CNTNAP3B: variants seen among roughly 807,000 people sequenced by gnomAD.
CNTNAP3B encodes the protein contactin associated protein family member 3B.
In CNTNAP3B, 25 loss-of-function variants were observed where a neutral mutation model predicts 108.9. That is an observed-to-expected ratio of 0.23 (90% CI 0.17 to 0.32). The LOEUF (loss-of-function observed/expected upper bound fraction) is 0.32. Ranked by LOEUF, CNTNAP3B falls within the 10% of genes least tolerant of loss-of-function variation. CNTNAP3B has a pLI of 1.00. For synonymous variants in CNTNAP3B, 103 were observed against 473.4 expected (o/e 0.22, Z 10.16); for missense variants, 252 against 1,210.4 (o/e 0.21, Z 11.75).
intron 14 of CNTNAP3B, among the ~76,000 whole-genome samples, chr9:41,933,638 T>C (rs894405517): frequency 6.6e-6 from 1 of 152,294 alleles, no homozygotes; most frequent in African/African-American, 2.4e-5. Flanking sequence ...GCAAACTTAC[T>C]GAACTCTCAT....
intron 18 of CNTNAP3B, among the ~76,000 whole-genome samples, chr9:41,916,331 CT>C (rs1438918566): frequency 1.4e-5 from 2 of 146,402 alleles, no homozygotes. Context: ...TTATACATTG[CT>C]TTTTAAAATA....
intron 3 of CNTNAP3B, among the ~76,000 whole-genome samples, chr9:42,043,283 T>C (rs1826804409): frequency 9.3e-6 from 1 of 107,096 alleles, no homozygotes; most frequent in African/African-American, 3.6e-5. Flanking sequence ...TTCTCCTGCC[T>C]TAGCCTCCCG....
At chr9:41,978,981 C>T (rs1825571494) in intron 9 of CNTNAP3B, among the ~76,000 whole-genome samples, 2 of 141,482 alleles carry the variant, frequency 1.4e-5, no homozygotes, top group African/African-American at 5.6e-5. Context: ...GGATTTATGG[C>T]AGTGTAGCAG....
intron 13 of CNTNAP3B, among the ~76,000 whole-genome samples, chr9:41,942,467 C>T (rs1249225992): frequency 3.3e-5 from 5 of 151,664 alleles, no homozygotes; most frequent in African/African-American, 4.8e-5. Context: ...AAAAATTAGC[C>T]GGGCGTGGTG....
intron 18 of CNTNAP3B, among the ~76,000 whole-genome samples, chr9:41,918,995 A>G (rs1350921003): frequency 1.3e-5 from 2 of 152,312 alleles, no homozygotes; most frequent in South Asian, 2.1e-4. Flanking sequence ...AGTAAGTGTA[A>G]CAGCCCAGAG....
intron 2 of CNTNAP3B, among the ~76,000 whole-genome samples, chr9:42,077,524 T>TA (rs1827517554): frequency 7.5e-6 from 1 of 133,258 alleles, no homozygotes; most frequent in African/African-American, 3.0e-5. Context: ...AGTTAAAACA[T>TA]AGAGTGCTTT....
chr9:41,934,603 A>AGC (rs1421154822), intron 14 of CNTNAP3B, among the ~76,000 whole-genome samples: 7 of 152,296 alleles, frequency 4.6e-5, no homozygotes, highest in African/African-American at 1.7e-4. Context: ...AGCATTAGAT[A>AGC]GAGTTCAAGT....
At chr9:42,049,288 C>A (rs533022407) in intron 3 of CNTNAP3B, among the ~76,000 whole-genome samples, 1 of 139,468 alleles carries the variant, frequency 7.2e-6, no homozygotes, top group Non-Finnish European at 1.5e-5. Flanking sequence ...ATCTCTCACT[C>A]CCACACTATA....
At chr9:41,918,488 T>A (rs1457210081) in intron 18 of CNTNAP3B, among the ~76,000 whole-genome samples, 5 of 145,580 alleles carry the variant, frequency 3.4e-5, no homozygotes, top group African/African-American at 1.3e-4. Context: ...AATATATCTG[T>A]AAATAAAAAG....
At chr9:41,958,357 A>C (rs1251640712) in intron 12 of CNTNAP3B, among the ~76,000 whole-genome samples, 2 of 152,304 alleles carry the variant, frequency 1.3e-5, no homozygotes, top group African/African-American at 4.8e-5. Flanking sequence ...TGTGTTGCCC[A>C]GACTGGTCTC....
chr9:42,057,437 T>A (rs1827095796), intron 3 of CNTNAP3B, among the ~76,000 whole-genome samples: 1 of 109,162 alleles, frequency 9.2e-6, no homozygotes, highest in Admixed American at 9.3e-5. Context: ...ACTCCTGACC[T>A]CAGGTGATCT....
chr9:42,103,207 T>C (rs1242634971), intron 2 of CNTNAP3B, among the ~76,000 whole-genome samples: 2 of 141,928 alleles, frequency 1.4e-5, no homozygotes, highest in Middle Eastern at 3.3e-3. Flanking sequence ...TCTGCAGCAA[T>C]AGAATCTAAA....
intron 3 of CNTNAP3B, among the ~76,000 whole-genome samples, chr9:42,049,547 C>G (rs933139476): frequency 7.4e-6 from 1 of 134,612 alleles, no homozygotes; most frequent in Non-Finnish European, 1.6e-5. Flanking sequence ...CCCAGCTGTG[C>G]GGGTGGGGTC....
intron 1 of CNTNAP3B, among the ~76,000 whole-genome samples, chr9:42,120,820 CG>C (rs1336990239): frequency 2.6e-5 from 2 of 76,860 alleles, no homozygotes; most frequent in African/African-American, 1.3e-4. Context: ...CGGGGACTGT[CG>C]CGGGGTGGGG....
At chr9:42,014,785 C>T (rs1424820132) in intron 3 of CNTNAP3B, among the ~76,000 whole-genome samples, 1 of 58,538 alleles carries the variant, frequency 1.7e-5, no homozygotes. Flanking sequence ...AGGTAGACTC[C>T]GTCACAAAAA....
chr9:42,086,333 G>A (rs1288814489), intron 2 of CNTNAP3B, among the ~76,000 whole-genome samples: 1 of 135,778 alleles, frequency 7.4e-6, no homozygotes, highest in Non-Finnish European at 1.6e-5. Context: ...GATCTGAGTG[G>A]GGACACAGCC....
At position 42,121,145 on chromosome 9, in the gene CNTNAP3B, T is replaced by A. The variant is rs187271894; in HGVS notation, c.85+7865A>T. ...CTGAATCCCTGGACAGGACTCAGGA[T>A]AAATGCATTCCCCCTGCTGTCTCTC... On this transcript the variant is annotated intron_variant, in intron 1 of 23. Transcript: ENST00000377561. 9.4e-3 allele frequency among the ~76,000 whole-genome samples: 1,303 copies of A among 138,172 alleles called. 219 individuals carry two copies. Among genetic ancestry groups the A allele is most frequent in the Non-Finnish European group, 0.016 (1,014 of 64,670 alleles). 90.6% of individuals were successfully genotyped at this position (138,172 alleles called of 152,430 possible).
chr9:42,037,163 C>A (rs1293350360), intron 3 of CNTNAP3B, among the ~76,000 whole-genome samples: 10 of 148,522 alleles, frequency 6.7e-5, no homozygotes, highest in African/African-American at 2.5e-4. Flanking sequence ...AGGAATGCAG[C>A]TCCTCATCAG....
chr9:42,111,807 C>T (rs1423921798), intron 1 of CNTNAP3B, among the ~76,000 whole-genome samples: 2 of 138,432 alleles, frequency 1.4e-5, no homozygotes, highest in African/African-American at 5.8e-5. Flanking sequence ...TGATCATCAT[C>T]TCACTGTAGG....
Sources: allele counts gnomAD v4.1 joint callset (sites outside exome capture counted in the v4.1 genomes callset), GRCh38; gene constraint gnomAD v4.1.1; transcripts MANE v1.5; gene names NCBI Gene and HGNC (gene_info 2026-07-23, HGNC 2026-07-21).